The following RANBP2 variants were observed in gnomAD, a reference collection of about 807,000 sequenced individuals.
RANBP2 encodes RAN binding protein 2.
RANBP2 carries 57 observed loss-of-function variants against 303.6 expected under a neutral mutation model. That is an observed-to-expected ratio of 0.19 (90% CI 0.15 to 0.23). The LOEUF is 0.23. RANBP2 is among the 10% of genes least tolerant of loss of function. The pLI is 1.00. For synonymous variants in RANBP2, 1,167 were observed against 1,301.5 expected, an observed-to-expected ratio of 0.90 and a Z score of 2.23; for missense variants, 3,138 against 3,780.8, an observed-to-expected ratio of 0.83 and a Z score of 4.46.
the RANBP2 span, among the ~76,000 whole-genome samples, chr2:109,020,511 G>T: frequency 3.9e-5 from 6 of 152,200 alleles, no homozygotes; most frequent in Non-Finnish European, 8.8e-5. Flanking sequence ...GTGAACAATG[G>T]TTACTTGGCA....
chr2:109,074,503 C>G, the RANBP2 span, among the ~76,000 whole-genome samples: 1 of 150,728 alleles, frequency 6.6e-6, no homozygotes, highest in Non-Finnish European at 1.5e-5. Context: ...AGTTCAAGAC[C>G]AGCCTGGCCA....
the RANBP2 span, among the ~76,000 whole-genome samples, chr2:109,388,108 A>C: frequency 2.8e-4 from 43 of 152,176 alleles, no homozygotes; most frequent in African/African-American, 1.0e-3. Context: ...CACATTCACC[A>C]TCCTACGCCT....
the RANBP2 span, among the ~76,000 whole-genome samples, chr2:109,539,105 C>T: frequency 6.6e-6 from 1 of 152,030 alleles, no homozygotes. Context: ...CAAGACCAGC[C>T]TGACCAATAT....
the RANBP2 span, among the ~76,000 whole-genome samples, chr2:109,368,718 A>AG: frequency 1.3e-5 from 2 of 150,786 alleles, no homozygotes; most frequent in African/African-American, 4.9e-5. Context: ...TAAAAAAAAA[A>AG]AAAAAGAAAA....
chr2:109,347,764 G>T, the RANBP2 span: 2 of 1,613,974 alleles, frequency 1.2e-6, no homozygotes, highest in Non-Finnish European at 8.5e-7. Flanking sequence ...GGACATCATC[G>T]TCCTGCGGCG....
chr2:108,755,130 T>C (rs745874663), intron 16 of RANBP2, 46 bp downstream of exon 16: 2 of 1,611,918 alleles, frequency 1.2e-6, no homozygotes, highest in South Asian at 2.2e-5. Context: ...ATTGTTTCTG[T>C]TCTAAGTGTT....
the RANBP2 span, among the ~76,000 whole-genome samples, chr2:109,216,763 A>AT: frequency 6.6e-6 from 1 of 152,338 alleles, no homozygotes; most frequent in East Asian, 1.9e-4. Flanking sequence ...ATACAAATAT[A>AT]TTTTTTTAAA....
chr2:108,928,645 T>C, the RANBP2 span, among the ~76,000 whole-genome samples: 2 of 152,194 alleles, frequency 1.3e-5, no homozygotes, highest in African/African-American at 2.4e-5. Flanking sequence ...TGAGAGTCTG[T>C]ATTTTCCTGG....
At chr2:109,151,148 G>T in the RANBP2 span, among the ~76,000 whole-genome samples, 1 of 152,232 alleles carries the variant, frequency 6.6e-6, no homozygotes, top group Non-Finnish European at 1.5e-5. Context: ...GCTTATATTT[G>T]ATGGGTTCTT....
At chr2:109,216,763 A>G in the RANBP2 span, among the ~76,000 whole-genome samples, 2 of 152,220 alleles carry the variant, frequency 1.3e-5, no homozygotes, top group Admixed American at 1.3e-4. Flanking sequence ...ATACAAATAT[A>G]TTTTTTTAAA....
chr2:109,545,693 C>G, the RANBP2 span: 2 of 1,462,166 alleles, frequency 1.4e-6, no homozygotes, highest in Non-Finnish European at 9.0e-7. Flanking sequence ...TTCAAAATAA[C>G]TCATGGTAGG....
chr2:108,827,368 AAAGAG>A, the RANBP2 span, among the ~76,000 whole-genome samples: 2 of 152,206 alleles, frequency 1.3e-5, no homozygotes, highest in Non-Finnish European at 2.9e-5. Flanking sequence ...AAAATAAATA[AAAGAG>A]AAAATGTGCA....
At chr2:109,718,405 T>C in the RANBP2 span, among the ~76,000 whole-genome samples, 1 of 152,312 alleles carries the variant, frequency 6.6e-6, no homozygotes, top group Non-Finnish European at 1.5e-5. Flanking sequence ...GAAGTACTAA[T>C]ACATGCTACA....
the RANBP2 span, among the ~76,000 whole-genome samples, chr2:109,704,087 G>A: frequency 6.6e-6 from 1 of 152,142 alleles, no homozygotes; most frequent in Admixed American, 6.5e-5. Context: ...TGGCCCTGGG[G>A]TTGAAACTTG....
the RANBP2 span, among the ~76,000 whole-genome samples, chr2:109,647,221 T>A: frequency 7.2e-6 from 1 of 138,006 alleles, no homozygotes; most frequent in Non-Finnish European, 1.5e-5. Flanking sequence ...TGGAATGCAG[T>A]GGCATGATCT....
chr2:109,728,201 T>G, the RANBP2 span, among the ~76,000 whole-genome samples: 4 of 152,148 alleles, frequency 2.6e-5, no homozygotes, highest in Admixed American at 2.6e-4. Flanking sequence ...AGCAGCAACT[T>G]GTTAGCTATG....
At chr2:109,389,145 G>A in the RANBP2 span, among the ~76,000 whole-genome samples, 5 of 152,230 alleles carry the variant, frequency 3.3e-5, no homozygotes, top group Admixed American at 3.3e-4. Flanking sequence ...ATAGAACACA[G>A]GTGAGCGTAC....
At position 108,782,395 on chromosome 2, in the gene RANBP2, T is replaced by C. The variant is rs1678315380; in HGVS notation, c.9028T>C (p.Tyr3010His). The change falls in exon 27 of 29, where the codon TAT becomes CAT. Residue 3010 changes from tyrosine to histidine, a missense_variant. Physicochemically the swap from Tyr to His is moderately conservative, Grantham distance 83. This residue lies in a region of RANBP2 where 204 missense variants were observed against 228.4 expected (regional missense o/e 0.89). Coordinates refer to ENST00000283195, the MANE Select transcript of RANBP2 (RefSeq NM_006267.5). ...NNALVWTASDYADGEAKVEQL... is the reference protein window; with the variant it reads ...NNALVWTASDHADGEAKVEQL... ...TGCTTTAGTTTGGACTGCCTCAGAT[T>C]ATGCTGGTGAGTTTTTACATTCAAA... 6.2e-7 allele frequency: 1 copy of C among 1,613,900 alleles called. No individual in the cohort carries two copies. Among genetic ancestry groups the C allele is most frequent in the African/African-American group, 1.3e-5 (1 of 74,956 alleles).
At chr2:108,760,807 T>A (rs995359692) in intron 18 of RANBP2, among the ~76,000 whole-genome samples, 6 of 152,166 alleles carry the variant, frequency 3.9e-5, no homozygotes, top group African/African-American at 1.4e-4. Flanking sequence ...GTGATTTTTT[T>A]AAAGCCCGCG....
Sources: gnomAD v4.1 joint callset for allele counts (sites outside exome capture counted in the v4.1 genomes callset) on GRCh38, gnomAD v4.1.1 for gene constraint, gnomAD v4.1.1 regional missense constraint, MANE v1.5 for transcripts, NCBI Gene and HGNC (gene_info 2026-07-23, HGNC 2026-07-21) for gene names.